Variants in UTRN observed in about 807,000 individuals in gnomAD.
UTRN encodes the protein dystrophin-related protein 1.
UTRN carries 283 observed loss-of-function variants against 463.9 expected under a neutral mutation model. The ratio of observed to expected loss-of-function variants is 0.61; its 90% confidence interval spans 0.55 to 0.67. The LOEUF (loss-of-function observed/expected upper bound fraction) is 0.67, where lower values mean the gene tolerates loss of function less well. Ranked by LOEUF, UTRN falls within the 30% of genes least tolerant of loss-of-function variation. The pLI, the probability that UTRN is intolerant of heterozygous loss-of-function variation, is 0.00. For synonymous variants in UTRN, 1,442 were observed against 1,431.5 expected, an observed-to-expected ratio of 1.01 and a Z score of -0.17; for missense variants, 3,922 against 4,084.3, an observed-to-expected ratio of 0.96 and a Z score of 1.08.
intron 66 of UTRN, among the ~76,000 whole-genome samples, chr6:144,824,450 T>TGTATATATATTGTATATATATATACAC (rs767872623): frequency 3.7e-5 from 3 of 80,294 alleles, no homozygotes; most frequent in South Asian, 3.8e-4. Flanking sequence ...TATATACACA[T>TGTATATATATTGTATATATATATACAC]ATACAATAAA....
chr6:144,833,812 G>T (rs1186138295), intron 69 of UTRN, among the ~76,000 whole-genome samples: 3 of 152,156 alleles, frequency 2.0e-5, no homozygotes, highest in Admixed American at 2.0e-4. Flanking sequence ...GCTTGCTTCT[G>T]CCCCGGATAA....
chr6:144,533,022 A>G (rs1797202918), intron 42 of UTRN, 63 bp from the exon 43 acceptor site: 1 of 858,402 alleles, frequency 1.2e-6, no homozygotes, highest in Non-Finnish European at 1.9e-6. Flanking sequence ...ACTTGGGTGG[A>G]TTCATTGCAT....
chr6:144,376,943 A>G (rs1780515716), intron 2 of UTRN, among the ~76,000 whole-genome samples: 1 of 152,190 alleles, frequency 6.6e-6, no homozygotes, highest in South Asian at 2.1e-4. Context: ...TTAGAAAAAT[A>G]TGCACCCTGT....
chr6:144,803,617 T>G (rs1279516522), intron 65 of UTRN, among the ~76,000 whole-genome samples: 1 of 152,100 alleles, frequency 6.6e-6, no homozygotes, highest in Admixed American at 6.5e-5. Context: ...TTTTCCCTGA[T>G]ATTTTTCACT....
intron 65 of UTRN, among the ~76,000 whole-genome samples, chr6:144,812,324 T>C (rs537425256): frequency 1.3e-5 from 2 of 152,286 alleles, no homozygotes; most frequent in Admixed American, 1.3e-4. Context: ...AGTAAAGCCG[T>C]TTATTCAAGG....
intron 51 of UTRN, among the ~76,000 whole-genome samples, chr6:144,608,604 T>A (rs1338859489): frequency 6.6e-6 from 1 of 152,132 alleles, no homozygotes; most frequent in Admixed American, 6.6e-5. Context: ...ACACAGAGAA[T>A]TTCCCTAGAC....
At chr6:144,786,185 C>T (rs568813382) in intron 61 of UTRN, among the ~76,000 whole-genome samples, 71 of 152,298 alleles carry the variant, frequency 4.7e-4, no homozygotes, top group African/African-American at 1.5e-3. Context: ...AGCTTATTTA[C>T]ATCAGTGTCC....
At chr6:144,450,847 G>A (rs1416115327) in intron 17 of UTRN, among the ~76,000 whole-genome samples, 3 of 152,058 alleles carry the variant, frequency 2.0e-5, no homozygotes. Flanking sequence ...TTTTATTTAA[G>A]GCCAGGCATG....
intron 25 of UTRN, among the ~76,000 whole-genome samples, chr6:144,477,102 C>CT (rs1265788267): frequency 6.6e-6 from 1 of 152,012 alleles, no homozygotes; most frequent in Non-Finnish European, 1.5e-5. Flanking sequence ...GAAGATGTTG[C>CT]TAGAGATATG....
intron 53 of UTRN, among the ~76,000 whole-genome samples, chr6:144,709,641 C>T (rs1586146583): frequency 6.6e-6 from 1 of 152,130 alleles, no homozygotes; most frequent in East Asian, 1.9e-4. Flanking sequence ...CAACACAATA[C>T]TGATTAATTT....
intron 23 of UTRN, 87 bp downstream of exon 23, chr6:144,462,953 A>ACG: frequency 8.9e-7 from 1 of 1,118,652 alleles, no homozygotes; most frequent in Non-Finnish European, 1.3e-6. Flanking sequence ...TTATTTAAAT[A>ACG]TTTTACATTC....
At chr6:144,823,854 C>T (rs976179339) in intron 66 of UTRN, among the ~76,000 whole-genome samples, 2 of 152,084 alleles carry the variant, frequency 1.3e-5, no homozygotes, top group South Asian at 2.1e-4. Flanking sequence ...AAAATAGACA[C>T]CTCTCCCTGG....
At chr6:144,318,753 T>A (rs1775441510) in intron 2 of UTRN, among the ~76,000 whole-genome samples, 1 of 152,208 alleles carries the variant, frequency 6.6e-6, no homozygotes, top group East Asian at 1.9e-4. Context: ...CGTGAGCCAC[T>A]GCACCTGGCC....
intron 61 of UTRN, 35 bp from the exon 62 acceptor site, chr6:144,789,159 A>C: frequency 6.5e-7 from 1 of 1,528,734 alleles, no homozygotes; most frequent in Non-Finnish European, 9.0e-7. Context: ...ATGGTTTTAA[A>C]TGCATCTAAC....
chr6:144,442,765 G>T (rs567566865), intron 13 of UTRN, among the ~76,000 whole-genome samples: 1 of 152,168 alleles, frequency 6.6e-6, no homozygotes, highest in African/African-American at 2.4e-5. Flanking sequence ...TGAGAACTGT[G>T]GTAGTTATAA....
chr6:144,605,804 G>A (rs1804787313), intron 51 of UTRN, among the ~76,000 whole-genome samples: 1 of 151,468 alleles, frequency 6.6e-6, no homozygotes, highest in Non-Finnish European at 1.5e-5. Flanking sequence ...CTGATATCTG[G>A]GATATTTAGA....
In UTRN at chr6:144,451,384, G is replaced by A; in HGVS notation, c.2087G>A (p.Ser696Asn). The change falls in exon 18 of 75, where the codon AGT (serine) becomes AAT (asparagine). Residue 696 changes from serine to asparagine, a missense_variant. Coordinates refer to ENST00000367545, the MANE Select transcript of UTRN (RefSeq NM_007124.3). ...IEAKKKFDAI[S>N]AELLNWILKW... is the part of the protein sequence containing the mutation. ...TCTTCAAACAGGTTTGATGCTATAA[G>A]TGCAGAGCTGTTGAACTGGATTTTG... 2 of 1,613,300 alleles carry A rather than the reference G, an allele frequency of 1.2e-6. No homozygotes were observed. Among genetic ancestry groups the A allele is most frequent in the Non-Finnish European group, 1.7e-6 (2 of 1,179,744 alleles).
chr6:144,475,557 G>A (rs1791104758), intron 25 of UTRN, among the ~76,000 whole-genome samples: 2 of 152,176 alleles, frequency 1.3e-5, no homozygotes, highest in African/African-American at 4.8e-5. Flanking sequence ...CAATTGGAAG[G>A]TTTTGAACAG....
chr6:144,698,482 C>G (rs546604497), intron 52 of UTRN, among the ~76,000 whole-genome samples: 3 of 152,226 alleles, frequency 2.0e-5, no homozygotes, highest in Non-Finnish European at 4.4e-5. Context: ...GAAAGGCAGA[C>G]GTGTGCCTTG....
Sources: gnomAD v4.1 joint callset for allele counts (sites outside exome capture counted in the v4.1 genomes callset) on GRCh38, gnomAD v4.1.1 for gene constraint, MANE v1.5 for transcripts, NCBI Gene and HGNC (gene_info 2026-07-23, HGNC 2026-07-21) for gene names.